HK2: variants seen among roughly 807,000 people sequenced by gnomAD.
HK2 encodes hexokinase-2.
Under a neutral mutation model 92.9 loss-of-function variants are expected in HK2, and 42 were observed. That is an observed-to-expected ratio of 0.45 (90% CI 0.35 to 0.58). The LOEUF is 0.58. HK2 is among the 20% of genes least tolerant of loss of function. The pLI is 0.00. For synonymous variants in HK2, 422 were observed against 468.0 expected (o/e 0.90, Z 1.27); for missense variants, 978 against 1,245.1 (o/e 0.79, Z 3.23).
At chr2:74,865,592 C>T (rs1412604958) in intron 2 of HK2, among the ~76,000 whole-genome samples, 1 of 152,078 alleles carries the variant, frequency 6.6e-6, no homozygotes, top group Non-Finnish European at 1.5e-5. Flanking sequence ...GAAAAGCCAC[C>T]CATGGCCATG....
At position 74,873,135 on chromosome 2, in the gene HK2, C is replaced by T. The variant is rs970423843; in HGVS notation, c.496-141C>T. The T allele has an allele frequency of 1.8e-4, 133 of 746,818 alleles. 3 individuals carry two copies. The highest frequency in any genetic ancestry group is 1.7e-3 in the South Asian group (120 of 71,822). 46.3% of individuals were successfully genotyped at this position (746,818 alleles called of 1,614,324 possible). ...TTGTCCTGAGTTTCTTTTTCCTAGG[C>T]TAGCCAGGAAGTAACACACAAATTC... On this transcript the variant is annotated intron_variant, in intron 4 of 17. Transcript: ENST00000290573.
Position 74,854,337 on chromosome 2 carries a change from C to G in HK2, c.108C>G (p.Leu36=). The G allele has an allele frequency of 6.2e-7, 1 of 1,613,512 alleles. No individual in the cohort carries two copies. The highest frequency in any genetic ancestry group is 8.5e-7 in the Non-Finnish European group (1 of 1,179,986). ...ACATGCGCCTCTCTGATGAGACCCT[C>G]TTGGAGATCTCTAAGCGGTTCCGCA... ...LYHMRLSDET[L]LEISKRFRKE... Residue 36 remains leucine, a synonymous_variant, in exon 2 of 18, where the codon CTC becomes CTG. Coordinates refer to ENST00000290573, the MANE Select transcript of HK2 (RefSeq NM_000189.5).
intron 3 of HK2, 57 bp from the exon 4 acceptor site, chr2:74,872,243 C>G: frequency 1.2e-6 from 2 of 1,601,472 alleles, no homozygotes; most frequent in Non-Finnish European, 1.7e-6. Flanking sequence ...AGTGCATGCC[C>G]TTAATCTCTA....
At chr2:74,858,564 A>G (rs1688743589) in intron 2 of HK2, among the ~76,000 whole-genome samples, 1 of 152,190 alleles carries the variant, frequency 6.6e-6, no homozygotes, top group Admixed American at 6.5e-5. Flanking sequence ...TGCAGCCACA[A>G]ACCACCACTG....
At chr2:74,863,730 C>T (rs1291187300) in intron 2 of HK2, among the ~76,000 whole-genome samples, 1 of 152,168 alleles carries the variant, frequency 6.6e-6, no homozygotes, top group Non-Finnish European at 1.5e-5. Context: ...AAACAAGATC[C>T]CCTCAACCCA....
At chr2:74,876,168 C>T (rs1453455264) in intron 7 of HK2, among the ~76,000 whole-genome samples, 1 of 152,194 alleles carries the variant, frequency 6.6e-6, no homozygotes, top group Non-Finnish European at 1.5e-5. Flanking sequence ...TTTGCCAGCT[C>T]TCAGTTAGCC....
chr2:74,878,688 G>A lies in HK2; in HGVS notation c.1032G>A (p.Gly344=), dbSNP rs1317650699. Residue 344 remains glycine, a splice_region_variant and synonymous_variant, in exon 9 of 18, where the codon GGG becomes GGA. Transcript: ENST00000290573. The part of the protein sequence containing the change: ...FETKDISDIE[G]EKDGIRKARE... Reference sequence around the variant, plus strand: ...CACATGCTATCTTTCTGTTTCCCAGGGAGAAGGATGGCATCCGGAAGGCCC... The same window carrying A: ...CACATGCTATCTTTCTGTTTCCCAGAGAGAAGGATGGCATCCGGAAGGCCC... 2.5e-6 allele frequency: 4 copies of A among 1,603,808 alleles called. No homozygotes were observed. The highest frequency in any genetic ancestry group is 3.4e-6 in the Non-Finnish European group (4 of 1,174,844).
At position 74,877,314 on chromosome 2, in the gene HK2, A is replaced by G. The variant is rs1558801305; in HGVS notation, c.1024A>G (p.Ile342Val). 1 of 1,614,164 alleles carries G rather than the reference A, an allele frequency of 6.2e-7. No individual in the cohort carries two copies. The highest frequency in any genetic ancestry group is 1.3e-5 in the African/African-American group (1 of 75,044). ...CTTTGAGACCAAAGACATCTCAGAC[A>G]TTGAAGGGTGAGCTTCTGGCCAGCC... ...GRFETKDISD[I>V]EGEKDGIRKA... The change falls in exon 8 of 18, where the codon ATT becomes GTT. Residue 342 changes from isoleucine (I) to valine (V), a missense_variant. Ile to Val is a conservative substitution (Grantham distance 29, BLOSUM62 3). This residue lies in a region of HK2 where 742 missense variants were observed against 922.5 expected (regional missense o/e 0.80). Transcript: ENST00000290573.
chr2:74,888,209 A>G, intron 16 of HK2, 151 bp downstream of exon 16: 1 of 804,788 alleles, frequency 1.2e-6, no homozygotes, highest in Non-Finnish European at 2.0e-6. Context: ...TACTAAAAGC[A>G]CATTATGGGC....
chr2:74,850,996 A>ACTGTTTCATATCCACAG (rs140721239), intron 1 of HK2, among the ~76,000 whole-genome samples: 26,106 of 151,774 alleles, frequency 0.17, 2,858 homozygotes, highest in East Asian at 0.32. Flanking sequence ...GACATTTTTC[A>ACTGTTTCATATCCACAG]CTGTTTCATA....
chr2:74,864,162 G>A (rs1384055651), intron 2 of HK2, among the ~76,000 whole-genome samples: 2 of 152,174 alleles, frequency 1.3e-5, no homozygotes, highest in African/African-American at 4.8e-5. Flanking sequence ...CTGCTTCCTT[G>A]TGCTATCCCA....
intron 1 of HK2, among the ~76,000 whole-genome samples, chr2:74,836,665 C>G (rs1014949399): frequency 6.6e-6 from 1 of 152,284 alleles, no homozygotes; most frequent in South Asian, 2.1e-4. Flanking sequence ...AGGCCTTTAA[C>G]TCAGTAATTG....
At chr2:74,841,613 C>CT (rs1445040796) in intron 1 of HK2, among the ~76,000 whole-genome samples, 1 of 152,146 alleles carries the variant, frequency 6.6e-6, no homozygotes, top group Non-Finnish European at 1.5e-5. Flanking sequence ...AAAAGACGAA[C>CT]TTAAGATGAG....
intron 1 of HK2, among the ~76,000 whole-genome samples, chr2:74,848,668 A>G: frequency 6.6e-6 from 1 of 152,208 alleles, no homozygotes; most frequent in Non-Finnish European, 1.5e-5. Context: ...ACCCTTGAGT[A>G]CCTTACTCAA....
intron 8 of HK2, among the ~76,000 whole-genome samples, chr2:74,877,765 A>G (rs956338947): frequency 1.3e-5 from 2 of 152,216 alleles, no homozygotes; most frequent in African/African-American, 4.8e-5. Context: ...AGATATAGCT[A>G]CCCAATTAAT....
At chr2:74,877,772 T>A (rs917621724) in intron 8 of HK2, among the ~76,000 whole-genome samples, 17 of 152,172 alleles carry the variant, frequency 1.1e-4, no homozygotes, top group African/African-American at 4.1e-4. Context: ...GCTACCCAAT[T>A]AATTCTAATA....
At chr2:74,851,291 C>T (rs1573361199) in intron 1 of HK2, among the ~76,000 whole-genome samples, 1 of 152,182 alleles carries the variant, frequency 6.6e-6, no homozygotes, top group Non-Finnish European at 1.5e-5. Context: ...GCCGGAAGTG[C>T]CTGACAGGTG....
At chr2:74,870,001 C>CTTT (rs66946936) in intron 3 of HK2, among the ~76,000 whole-genome samples, 3 of 121,516 alleles carry the variant, frequency 2.5e-5, no homozygotes, top group South Asian at 2.6e-4. Context: ...CTTTTCTTTT[C>CTTT]TTTTTTTTTT....
At chr2:74,854,242 C>A in intron 1 of HK2, 51 bp from the exon 2 acceptor site, 2 of 1,565,088 alleles carry the variant, frequency 1.3e-6, no homozygotes, top group Non-Finnish European at 1.8e-6. Flanking sequence ...TACACCTATG[C>A]CATAATTTAT....
Sources: gnomAD v4.1 joint callset for allele counts (sites outside exome capture counted in the v4.1 genomes callset) on GRCh38, gnomAD v4.1.1 for gene constraint, gnomAD v4.1.1 regional missense constraint, MANE v1.5 for transcripts, NCBI Gene and HGNC (gene_info 2026-07-23, HGNC 2026-07-21) for gene names.